ST6GALNAC3: variants seen among roughly 807,000 people sequenced by gnomAD.
ST6GALNAC3 encodes alpha-N-acetylgalactosaminide alpha-2,6-sialyltransferase 3.
Under a neutral mutation model 32.7 loss-of-function variants are expected in ST6GALNAC3, and 25 were observed. That is an observed-to-expected ratio of 0.76 (90% CI 0.56 to 1.07). The LOEUF (loss-of-function observed/expected upper bound fraction) is 1.07, where lower values mean the gene tolerates loss of function less well. ST6GALNAC3 is among the 50% of genes least tolerant of loss of function. ST6GALNAC3 has a pLI of 0.00. For missense variants in ST6GALNAC3, 355 were observed against 382.4 expected, an observed-to-expected ratio of 0.93 and a Z score of 0.60; for synonymous variants, 129 against 133.1, an observed-to-expected ratio of 0.97 and a Z score of 0.21.
chr1:76,542,664 T>A (rs1296429097), intron 3 of ST6GALNAC3, among the ~76,000 whole-genome samples: 2 of 152,182 alleles, frequency 1.3e-5, no homozygotes, highest in Non-Finnish European at 1.5e-5. Flanking sequence ...GGACCAAATG[T>A]GCTTACATTC....
chr1:76,346,007 AT>A (rs1648477267), intron 2 of ST6GALNAC3, among the ~76,000 whole-genome samples: 2 of 150,258 alleles, frequency 1.3e-5, no homozygotes, highest in Non-Finnish European at 3.0e-5. Flanking sequence ...GCCACCCCCT[AT>A]AAAATGTCAG....
At chr1:76,147,184 TC>T (rs918448773) in intron 1 of ST6GALNAC3, among the ~76,000 whole-genome samples, 10 of 151,552 alleles carry the variant, frequency 6.6e-5, no homozygotes, top group African/African-American at 2.4e-4. Flanking sequence ...TGCCTCAGCC[TC>T]CCAAGTAGCT....
At chr1:76,213,320 G>C (rs542810199) in intron 1 of ST6GALNAC3, among the ~76,000 whole-genome samples, 1 of 152,318 alleles carries the variant, frequency 6.6e-6, no homozygotes, top group South Asian at 2.1e-4. Flanking sequence ...GCATAAGACA[G>C]AAGTATGCTG....
intron 1 of ST6GALNAC3, among the ~76,000 whole-genome samples, chr1:76,311,887 A>C (rs533460361): frequency 1.3e-5 from 2 of 151,916 alleles, no homozygotes; most frequent in Admixed American, 6.6e-5. Flanking sequence ...ACTAATTTAC[A>C]CTCCCACCAA....
chr1:76,424,114 G>A (rs892713083), intron 3 of ST6GALNAC3, among the ~76,000 whole-genome samples: 1 of 151,944 alleles, frequency 6.6e-6, no homozygotes, highest in Non-Finnish European at 1.5e-5. Flanking sequence ...TAACCTGTGA[G>A]TTCATAGCAA....
chr1:76,178,413 T>G (rs1401501722), intron 1 of ST6GALNAC3, among the ~76,000 whole-genome samples: 1 of 152,166 alleles, frequency 6.6e-6, no homozygotes, highest in Non-Finnish European at 1.5e-5. Context: ...GCCCTAATGG[T>G]ACAGAGAGAA....
intron 3 of ST6GALNAC3, among the ~76,000 whole-genome samples, chr1:76,588,510 G>GCA (rs1258738861): frequency 2.0e-5 from 3 of 152,198 alleles, no homozygotes; most frequent in African/African-American, 7.2e-5. Context: ...CCATGGACAG[G>GCA]ATACTGTAAA....
intron 3 of ST6GALNAC3, among the ~76,000 whole-genome samples, chr1:76,425,988 G>A (rs749937495): frequency 6.6e-6 from 1 of 151,696 alleles, no homozygotes; most frequent in Non-Finnish European, 1.5e-5. Context: ...TAATATAGAC[G>A]ATGAATCATC....
intron 3 of ST6GALNAC3, among the ~76,000 whole-genome samples, chr1:76,584,941 C>T (rs1266875648): frequency 3.9e-5 from 6 of 152,112 alleles, no homozygotes; most frequent in Non-Finnish European, 8.8e-5. Context: ...CCAGCAATAT[C>T]CCAAATATGA....
At position 76,411,988 on chromosome 1, in the gene ST6GALNAC3, C is replaced by T. The variant is rs367997163; in HGVS notation, c.214-20C>T. On this transcript the variant is annotated intron_variant, in intron 2 of 4. Coordinates refer to ENST00000328299, the MANE Select transcript of ST6GALNAC3 (RefSeq NM_152996.4). ...AAGTGGAATTTACTAATTTACATGC[C>T]TTCTTTCTCTATTTTTCAGCCTTTG... 3.7e-5 allele frequency: 59 copies of T among 1,600,296 alleles called. No homozygotes were observed. Among genetic ancestry groups the T allele is most frequent in the Non-Finnish European group, 4.8e-5 (56 of 1,172,286 alleles).
intron 3 of ST6GALNAC3, among the ~76,000 whole-genome samples, chr1:76,433,936 G>A (rs781382446): frequency 9.9e-5 from 15 of 152,134 alleles, no homozygotes; most frequent in East Asian, 1.9e-4. Context: ...TGATTGCAGC[G>A]TTTACTTTTT....
At chr1:76,171,815 AAC>A (rs753377885) in intron 1 of ST6GALNAC3, among the ~76,000 whole-genome samples, 238 of 42,816 alleles carry the variant, frequency 5.6e-3, no homozygotes, top group Middle Eastern at 0.029. Context: ...CCAAAACAAC[AAC>A]AAAAAAAAAA....
rs117062047 is a variant in ST6GALNAC3 at position 76,175,924 on chromosome 1, T to A, written c.18+101040T>A. Among the ~76,000 whole-genome samples, 155 of 152,316 alleles carry A rather than the reference T, an allele frequency of 1.0e-3. 2 individuals are homozygous for A. In the East Asian group the frequency reaches 0.027, roughly 26 times the overall value. On this transcript the variant is annotated intron_variant, in intron 1 of 4. Transcript: ENST00000328299. ...TACGAACTTTGGGGACACAAACCTA[T>A]TGGTCATTTGGAGATCTAGTTTCCC...
At chr1:76,405,733 G>T (rs1265891569) in intron 2 of ST6GALNAC3, among the ~76,000 whole-genome samples, 1 of 151,712 alleles carries the variant, frequency 6.6e-6, no homozygotes, top group African/African-American at 2.4e-5. Flanking sequence ...TGCCAGTCAG[G>T]GTGAATAACC....
chr1:76,430,833 G>A (rs1175888188), intron 3 of ST6GALNAC3, among the ~76,000 whole-genome samples: 4 of 151,998 alleles, frequency 2.6e-5, no homozygotes, highest in Admixed American at 6.6e-5. Context: ...TGTCAATTTC[G>A]TAAGCACTTG....
chr1:76,301,763 G>A (rs1181772942), intron 1 of ST6GALNAC3, among the ~76,000 whole-genome samples: 1 of 151,808 alleles, frequency 6.6e-6, no homozygotes, highest in Admixed American at 6.6e-5. Context: ...TACCACAATT[G>A]ATATCTATGT....
chr1:76,361,781 C>A (rs1649959351), intron 2 of ST6GALNAC3, among the ~76,000 whole-genome samples: 1 of 151,948 alleles, frequency 6.6e-6, no homozygotes, highest in South Asian at 2.1e-4. Context: ...GGGTTTGAGA[C>A]CAGCCTGTCC....
chr1:76,189,384 C>T (rs1369423247), intron 1 of ST6GALNAC3, among the ~76,000 whole-genome samples: 2 of 152,124 alleles, frequency 1.3e-5, no homozygotes, highest in African/African-American at 2.4e-5. Flanking sequence ...TTTTTGGATC[C>T]ACCTCTGTAT....
intron 3 of ST6GALNAC3, among the ~76,000 whole-genome samples, chr1:76,466,807 T>C (rs1245284266): frequency 6.6e-6 from 1 of 152,094 alleles, no homozygotes; most frequent in African/African-American, 2.4e-5. Context: ...AATTTTGTGA[T>C]ATAGAGCTCA....
Sources: allele counts gnomAD v4.1 joint callset (sites outside exome capture counted in the v4.1 genomes callset), GRCh38; gene constraint gnomAD v4.1.1; transcripts MANE v1.5; gene names NCBI Gene and HGNC (gene_info 2026-07-23, HGNC 2026-07-21).